The following AFF1 variants were observed in gnomAD, a reference collection of about 807,000 sequenced individuals.
The protein encoded by AFF1 is AF4/FMR2 family member 1.
In AFF1, 48 loss-of-function variants were observed where a neutral mutation model predicts 121.7. The ratio of observed to expected loss-of-function variants is 0.39; its 90% CI spans 0.31 to 0.50. The LOEUF (loss-of-function observed/expected upper bound fraction) is 0.50, where lower values mean the gene tolerates loss of function less well. Ranked by LOEUF, AFF1 falls within the 20% of genes least tolerant of loss-of-function variation. AFF1 has a pLI of 0.76. For synonymous variants in AFF1, 613 were observed against 563.0 expected (o/e 1.09, Z -1.26); for missense variants, 1,523 against 1,511.7 (o/e 1.01, Z -0.12).
chr4:87,046,053 A>T, intron 2 of AFF1, 113 bp from the exon 3 acceptor site: 1 of 1,301,778 alleles, frequency 7.7e-7, no homozygotes, highest in Non-Finnish European at 1.1e-6. Context: ...AGCCGTCATC[A>T]CTGCTTCTTC....
At chr4:86,992,765 G>A (rs1166536434) in intron 2 of AFF1, among the ~76,000 whole-genome samples, 1 of 152,190 alleles carries the variant, frequency 6.6e-6, no homozygotes, top group Non-Finnish European at 1.5e-5. Flanking sequence ...TTTCTTAAAT[G>A]AATTCTTAAA....
chr4:87,029,628 C>T (rs1728872698), intron 2 of AFF1, among the ~76,000 whole-genome samples: 2 of 152,132 alleles, frequency 1.3e-5, no homozygotes, highest in South Asian at 4.1e-4. Context: ...TTCTTACTCC[C>T]AGAGTGTCTC....
At chr4:87,064,273 A>T (rs991998900) in intron 4 of AFF1, among the ~76,000 whole-genome samples, 1 of 152,226 alleles carries the variant, frequency 6.6e-6, no homozygotes, top group African/African-American at 2.4e-5. Flanking sequence ...AAGGTGTAAG[A>T]TTAAACATAT....
chr4:87,011,078 C>CAAAAAAA (rs10715968), intron 2 of AFF1, among the ~76,000 whole-genome samples: 1 of 70,778 alleles, frequency 1.4e-5, no homozygotes, highest in African/African-American at 4.9e-5. Context: ...GACTCCGTCT[C>CAAAAAAA]AAAAAAAAAA....
At chr4:87,086,920 GTGT>G (rs1364047770) in intron 5 of AFF1, among the ~76,000 whole-genome samples, 9 of 152,314 alleles carry the variant, frequency 5.9e-5, no homozygotes, top group African/African-American at 1.9e-4. Flanking sequence ...TAAGGGGGAA[GTGT>G]TGTAATGAAG....
intron 4 of AFF1, among the ~76,000 whole-genome samples, chr4:87,058,519 C>T (rs979915731): frequency 2.0e-5 from 3 of 151,962 alleles, no homozygotes; most frequent in Non-Finnish European, 4.4e-5. Context: ...CAGTGCCACC[C>T]CCGCCCCCAA....
chr4:87,047,770 C>T (rs575972620), intron 4 of AFF1, 176 bp downstream of exon 4: 20 of 862,202 alleles, frequency 2.3e-5, no homozygotes, highest in African/African-American at 2.3e-4. Context: ...CTGAGATGGA[C>T]GACTGATTAT....
intron 2 of AFF1, among the ~76,000 whole-genome samples, chr4:87,002,500 C>T (rs1329689309): frequency 5.1e-5 from 7 of 136,762 alleles, no homozygotes; most frequent in African/African-American, 1.9e-4. Context: ...GGTGCGATCT[C>T]GGCTCACTGC....
intron 1 of AFF1, among the ~76,000 whole-genome samples, chr4:86,942,776 G>A (rs993595302): frequency 3.1e-4 from 47 of 152,066 alleles, no homozygotes; most frequent in African/African-American, 1.1e-3. Context: ...GAGATCTCTC[G>A]TTCATAAGAT....
Position 86,948,478 on chromosome 4 carries a change from A to G in AFF1, c.-36-20A>G. ...ACTCACAGGCTAATGTTCACAGGCT[A>G]CTCTTTGTTTCTCTTTCAGATGAAC... On this transcript the variant is annotated intron_variant, in intron 1 of 20. Coordinates refer to ENST00000395146, the MANE Select transcript of AFF1 (RefSeq NM_001166693.3). 1 of 1,497,166 alleles carries G rather than the reference A, an allele frequency of 6.7e-7. No homozygotes were observed. Among genetic ancestry groups the G allele is most frequent in the Non-Finnish European group, 9.0e-7 (1 of 1,111,430 alleles). 92.7% of individuals were successfully genotyped at this position (1,497,166 alleles called of 1,614,324 possible). A position where few individuals can be genotyped will look rare whatever the true frequency, so the allele number is the denominator to read the frequency against.
intron 2 of AFF1, among the ~76,000 whole-genome samples, chr4:86,991,834 CTTTTTTTT>C (rs34804329): frequency 8.8e-6 from 1 of 113,708 alleles, no homozygotes; most frequent in Non-Finnish European, 1.9e-5. Flanking sequence ...CTTCAAATTG[CTTTTTTTT>C]TTTTTTTTTT....
chr4:87,056,251 G>GT (rs1720128762), intron 4 of AFF1, among the ~76,000 whole-genome samples: 2 of 152,014 alleles, frequency 1.3e-5, no homozygotes, highest in Non-Finnish European at 1.5e-5. Context: ...ATCACCTTAG[G>GT]TTTTTTATTC....
chr4:87,104,875 T>C lies in AFF1; in HGVS notation c.1284-753T>C, dbSNP rs568153084. Among the ~76,000 whole-genome samples, 32 of 151,866 alleles carry C rather than the reference T, an allele frequency of 2.1e-4. 1 individual carries two copies. The highest frequency in any genetic ancestry group is 4.6e-4 in the African/African-American group (19 of 41,322). ...AAGTTTGAGGAAATTTTTTTTTTTT[T>C]CCTCACTGAAACAATAGCAATAAGG... On this transcript the variant is annotated intron_variant, in intron 8 of 20. Transcript: ENST00000395146.
In AFF1 at chr4:87,140,407, T is replaced by A. The variant is rs1481983999; in HGVS notation, c.*4706T>A. On this transcript the variant is annotated 3_prime_UTR_variant, in exon 21 of 21. Transcript: ENST00000395146. ...CCAAATCTTGTTTTAATTTTTTTTT[T>A]CTGAATGTGATCATGTTTTGGATGA... The A allele has an allele frequency of 5.3e-6, 1 of 187,632 alleles. No homozygotes were observed. Among genetic ancestry groups the A allele is most frequent in the African/African-American group, 2.3e-5 (1 of 42,682 alleles). 11.6% of individuals were successfully genotyped at this position (187,632 alleles called of 1,614,324 possible).
intron 2 of AFF1, among the ~76,000 whole-genome samples, chr4:87,025,803 A>G (rs1267368137): frequency 1.3e-5 from 2 of 152,114 alleles, no homozygotes; most frequent in Non-Finnish European, 2.9e-5. Flanking sequence ...GTTCCTATGC[A>G]TGGGGATGTT....
chr4:87,136,009 T>A lies in AFF1; in HGVS notation c.*308T>A, dbSNP rs756176309. ...TCTAGAAACATTTCTATTTTTTTTT[T>A]AAACCAGCAGGATACAAGTTGCAAA... On this transcript the variant is annotated 3_prime_UTR_variant, in exon 21 of 21. Coordinates refer to ENST00000395146, the MANE Select transcript of AFF1 (RefSeq NM_001166693.3). 209 of 286,420 alleles carry A rather than the reference T, an allele frequency of 7.3e-4. 1 individual carries two copies. The highest frequency in any genetic ancestry group is 9.6e-4 in the Non-Finnish European group (149 of 154,646). The allele number at this position is 286,420 out of a possible 1,614,324, so 17.7% of individuals were successfully genotyped here.
chr4:87,013,684 T>TTA (rs1046059466), intron 2 of AFF1, among the ~76,000 whole-genome samples: 10 of 144,232 alleles, frequency 6.9e-5, no homozygotes, highest in Non-Finnish European at 1.5e-4. Flanking sequence ...TTTTTTTTTT[T>TTA]AAGTATTGCT....
chr4:87,033,955 G>A (rs1221113500), intron 2 of AFF1, among the ~76,000 whole-genome samples: 1 of 152,154 alleles, frequency 6.6e-6, no homozygotes, highest in Non-Finnish European at 1.5e-5. Flanking sequence ...AGGATCAAGC[G>A]GGAAGGGGTG....
intron 2 of AFF1, among the ~76,000 whole-genome samples, chr4:86,975,030 A>G (rs1415081134): frequency 6.6e-6 from 1 of 152,126 alleles, no homozygotes; most frequent in Non-Finnish European, 1.5e-5. Flanking sequence ...ATGCTCCCTA[A>G]AGAAAACTAT....
Sources: allele counts gnomAD v4.1 joint callset (sites outside exome capture counted in the v4.1 genomes callset), GRCh38; gene constraint gnomAD v4.1.1; transcripts MANE v1.5; gene names NCBI Gene and HGNC (gene_info 2026-07-23, HGNC 2026-07-21).